The following RPS5 variants were observed in gnomAD, a reference collection of about 807,000 sequenced individuals.
The protein encoded by RPS5 is small ribosomal subunit protein uS7.
A neutral mutation model predicts 20.9 loss-of-function variants in RPS5; 2 were observed. The observed-to-expected ratio is 0.10, with a 90% CI of 0.04 to 0.30. The LOEUF (loss-of-function observed/expected upper bound fraction) is 0.30. Among genes scored for constraint, RPS5 ranks in the 10% least tolerant of loss-of-function variants. The probability of loss-of-function intolerance (pLI) is 1.00; values close to 1 mark genes in which losing one functional copy is unlikely to be tolerated. For missense variants in RPS5, 122 were observed against 287.2 expected (o/e 0.42, Z 4.16); for synonymous variants, 112 against 105.8 (o/e 1.06, Z -0.36).
chr19:58,387,289 G>A lies in RPS5; in HGVS notation c.-52G>A, dbSNP rs1395172350. On this transcript the variant is annotated 5_prime_UTR_variant, in exon 1 of 6. Coordinates refer to ENST00000196551, the MANE Select transcript of RPS5 (RefSeq NM_001009.4). ...GCGGCCTCTTCCTGTCTGTACCAGG[G>A]CGGCGCGTGGTCTACGCCGAGTGAC... is the stretch of plus-strand genomic sequence containing the variant. 2 of 152,296 alleles carry A rather than the reference G, an allele frequency of 1.3e-5. No homozygotes were observed. The highest frequency in any genetic ancestry group is 1.3e-4 in the Admixed American group (2 of 15,288). The allele number at this position is 152,296 out of a possible 1,614,324, so 9.4% of individuals were successfully genotyped here.
At chr19:58,394,474 C>T (rs1417272156) in intron 4 of RPS5, 23 bp from the exon 5 acceptor site, 2 of 1,608,702 alleles carry the variant, frequency 1.2e-6, no homozygotes, top group South Asian at 1.1e-5. Context: ...GTCCTTCTAG[C>T]CTGACCCCTG....
At chr19:58,393,248 G>A in intron 3 of RPS5, 63 bp downstream of exon 3, 2 of 1,612,338 alleles carry the variant, frequency 1.2e-6, no homozygotes, top group East Asian at 2.2e-5. Context: ...GCCCCACGGA[G>A]TGTATGTCAG....
intron 2 of RPS5, among the ~76,000 whole-genome samples, chr19:58,391,166 C>T (rs547962400): frequency 2.0e-5 from 3 of 152,094 alleles, no homozygotes; most frequent in East Asian, 1.9e-4. Flanking sequence ...GGTTCTGGGC[C>T]GGGCGCCGTA....
chr19:58,394,399 TG>T, intron 4 of RPS5, 97 bp from the exon 5 acceptor site: 1 of 965,614 alleles, frequency 1.0e-6, no homozygotes, highest in Non-Finnish European at 1.6e-6. Flanking sequence ...AGTGGGCCTA[TG>T]GGTGACAACG....
chr19:58,388,190 A>G lies in RPS5; in HGVS notation c.53A>G (p.Lys18Arg). 1 of 1,613,388 alleles carries G rather than the reference A, an allele frequency of 6.2e-7. No homozygotes were observed. Among genetic ancestry groups the G allele is most frequent in the Non-Finnish European group, 8.5e-7 (1 of 1,179,924 alleles). ...APAVAETPDIKLFGKWSTDDV... is the reference protein window; with the variant it reads ...APAVAETPDIRLFGKWSTDDV... ...GCGGTGGCAGAGACCCCAGACATCA[A>G]GCTCTTTGGGAAGTGGAGCACCGAT... Residue 18 changes from lysine to arginine, a missense_variant, in exon 2 of 6, where the codon AAG (lysine) becomes AGG (arginine). By Grantham distance (26) the Lys-to-Arg change is conservative. Transcript: ENST00000196551.
chr19:58,394,442 G>A (rs2052383968), intron 4 of RPS5, 55 bp from the exon 5 acceptor site: 4 of 1,500,798 alleles, frequency 2.7e-6, no homozygotes, highest in East Asian at 4.5e-5. Context: ...AGTGGCCCCA[G>A]GGTGCTGGAG....
chr19:58,393,722 C>CTTG, intron 4 of RPS5: 2 of 533,342 alleles, frequency 3.7e-6, no homozygotes, highest in Non-Finnish European at 6.6e-6. Context: ...TATTTTTACA[C>CTTG]TGTGTGTATA....
At chr19:58,393,333 C>T in intron 3 of RPS5, 26 bp from the exon 4 acceptor site, 1 of 1,611,572 alleles carries the variant, frequency 6.2e-7, no homozygotes, top group Non-Finnish European at 8.5e-7. Flanking sequence ...GGCTGGATGT[C>T]AGGCTCATAT....
chr19:58,394,718 G>A lies in RPS5; in HGVS notation c.583G>A (p.Glu195Lys). The A allele has an allele frequency of 6.2e-7, 1 of 1,614,098 alleles. No individual in the cohort carries two copies. The highest frequency in any genetic ancestry group is 1.1e-5 in the South Asian group (1 of 91,072). Residue 195 changes from glutamate to lysine, a missense_variant, in exon 6 of 6, where the codon GAG becomes AAG. Coordinates refer to ENST00000196551, the MANE Select transcript of RPS5 (RefSeq NM_001009.4). Reference sequence around the variant, plus strand: ...CTCCTATGCCATTAAGAAGAAGGACGAGCTGGAGCGTGTGGCCAAGTCCAA... The same window carrying A: ...CTCCTATGCCATTAAGAAGAAGGACAAGCTGGAGCGTGTGGCCAAGTCCAA... ...SNSYAIKKKD[E>K]LERVAKSNR
chr19:58,393,110 C>A lies in RPS5; in HGVS notation c.243C>A (p.Arg81=), dbSNP rs200602413. Residue 81 remains arginine, a synonymous_variant, in exon 3 of 6, where the codon CGC becomes CGA. Transcript: ENST00000196551. ...RLTNSMMMHG[R]NNGKKLMTVR... ...CTAACTCCATGATGATGCACGGCCG[C>A]AACAACGGCAAGAAGCTCATGACTG... 4 of 1,614,236 alleles carry A rather than the reference C, an allele frequency of 2.5e-6. No homozygotes were observed. Among genetic ancestry groups the A allele is most frequent in the East Asian group, 2.2e-5 (1 of 44,882 alleles).
intron 2 of RPS5, among the ~76,000 whole-genome samples, chr19:58,391,805 A>C (rs1267594528): frequency 6.6e-6 from 1 of 151,332 alleles, no homozygotes; most frequent in Non-Finnish European, 1.5e-5. Context: ...ATGCACCTGT[A>C]GTCCCAGCTA....
At position 58,387,844 on chromosome 19, in the gene RPS5, G is replaced by GT. The variant is rs1158398426; in HGVS notation, c.-1-292dup. On this transcript the variant is annotated intron_variant, in intron 1 of 5. Transcript: ENST00000196551. Reference sequence around the variant, plus strand: ...TGGTTTGAATTACAGCCCATGCAGTGTGAGGACGTATGGCATCTGCTGAGC... The same window carrying GT: ...TGGTTTGAATTACAGCCCATGCAGTGTTGAGGACGTATGGCATCTGCTGAGC... 8.9e-5 allele frequency: 39 copies of GT among 437,202 alleles called. No individual in the cohort carries two copies. In the East Asian group the frequency reaches 1.7e-3, roughly 19 times the overall value. 27.1% of individuals were successfully genotyped at this position (437,202 alleles called of 1,614,324 possible). A position where few individuals can be genotyped will look rare whatever the true frequency, so the allele number is the denominator to read the frequency against.
At chr19:58,389,392 A>G (rs1289854419) in intron 2 of RPS5, among the ~76,000 whole-genome samples, 2 of 151,506 alleles carry the variant, frequency 1.3e-5, no homozygotes, top group Non-Finnish European at 2.9e-5. Flanking sequence ...CCTGTCTTAG[A>G]CTCCAACTAG....
chr19:58,391,457 G>T (rs888474865), intron 2 of RPS5, among the ~76,000 whole-genome samples: 5 of 136,752 alleles, frequency 3.7e-5, no homozygotes, highest in African/African-American at 1.1e-4. Context: ...AAAAAACTGG[G>T]CTGAGCATGG....
intron 2 of RPS5, among the ~76,000 whole-genome samples, chr19:58,391,106 A>T (rs1274105902): frequency 6.6e-6 from 1 of 151,962 alleles, no homozygotes; most frequent in East Asian, 1.9e-4. Context: ...TTGTGTGGGG[A>T]TGGCTATGTA....
rs2052336376 is a variant in RPS5, at chr19:58,387,837, A to C, written c.-1-300A>C. 5 of 405,448 alleles carry C rather than the reference A, an allele frequency of 1.2e-5. No individual in the cohort carries two copies. The East Asian group carries it at 2.5e-4, about 20-fold the overall frequency. 25.1% of individuals were successfully genotyped at this position (405,448 alleles called of 1,614,324 possible). On this transcript the variant is annotated intron_variant, in intron 1 of 5. Transcript: ENST00000196551. ...GAGATTGTGGTTTGAATTACAGCCC[A>C]TGCAGTGTGAGGACGTATGGCATCT... is the stretch of plus-strand genomic sequence containing the variant.
intron 1 of RPS5, chr19:58,387,917 A>C: frequency 1.8e-6 from 1 of 564,860 alleles, no homozygotes; most frequent in Non-Finnish European, 3.2e-6. Context: ...GTGGCTGCCA[A>C]GTCTTGGGCC....
rs1441935672 is a variant in RPS5 at position 58,393,474 on chromosome 19, G to A, written c.434G>A (p.Arg145His). Residue 145 changes from arginine to histidine, a missense_variant, in exon 4 of 6, where the codon CGC becomes CAC. Transcript: ENST00000196551. ...RRQAVDVSPL[R>H]RVNQAIWLLC... is the part of the protein sequence containing the mutation. ...CAGGCTGTGGATGTGTCCCCCCTGC[G>A]CCGTGTGAACCAGGTGAGCCTGGGG... is the stretch of plus-strand genomic sequence containing the variant. 1.9e-6 allele frequency: 3 copies of A among 1,611,662 alleles called. No individual in the cohort carries two copies. The highest frequency in any genetic ancestry group is 2.5e-6 in the Non-Finnish European group (3 of 1,179,916).
At chr19:58,388,684 C>T (rs1453944744) in intron 2 of RPS5, 18 of 350,162 alleles carry the variant, frequency 5.1e-5, no homozygotes, top group Non-Finnish European at 8.8e-5. Context: ...ACTCTGTTCC[C>T]TGGGCTGGAG....
Sources: gnomAD v4.1 joint callset for allele counts (sites outside exome capture counted in the v4.1 genomes callset) on GRCh38, gnomAD v4.1.1 for gene constraint, MANE v1.5 for transcripts, NCBI Gene and HGNC (gene_info 2026-07-23, HGNC 2026-07-21) for gene names.